Variants in SPOUT1 observed in about 807,000 individuals in gnomAD.
The protein encoded by SPOUT1 is 28S rRNA (uridine-N(3))-methyltransferase.
SPOUT1 carries 40 observed loss-of-function variants against 54.8 expected under a neutral mutation model. That is an observed-to-expected ratio of 0.73 (90% CI 0.57 to 0.95). The LOEUF (loss-of-function observed/expected upper bound fraction) is 0.95. Ranked by LOEUF, SPOUT1 falls within the 40% of genes least tolerant of loss-of-function variation. The probability of loss-of-function intolerance (pLI) is 0.00; values close to 1 mark genes in which losing one functional copy is unlikely to be tolerated. For missense variants in SPOUT1, 437 were observed against 499.5 expected (o/e 0.87, Z 1.19); for synonymous variants, 193 against 200.3 (o/e 0.96, Z 0.31).
Position 128,820,951 on chromosome 9 carries a change from TC to T in SPOUT1, c.*1813del. 2 of 998,254 alleles carry T rather than the reference TC, an allele frequency of 2.0e-6. No homozygotes were observed. The highest frequency in any genetic ancestry group is 2.9e-5 in the South Asian group (2 of 68,586). The allele number at this position is 998,254 out of a possible 1,614,324, so 61.8% of individuals were successfully genotyped here. ...CCCCAGGCTCTGGGTCAATACCAGT[TC>T]CCTACTCATCTGGTTTCTTGGCAAG... is the stretch of plus-strand genomic sequence containing the variant. On this transcript the variant is annotated 3_prime_UTR_variant, in exon 12 of 12. Coordinates refer to ENST00000361256, the MANE Select transcript of SPOUT1 (RefSeq NM_016390.4).
intron 10 of SPOUT1, 75 bp downstream of exon 10, chr9:128,823,997 T>C: frequency 6.3e-7 from 1 of 1,578,512 alleles, no homozygotes; most frequent in South Asian, 1.1e-5. Context: ...GGGGCCCATC[T>C]GTGCAGCTTC....
In SPOUT1 at chr9:128,820,602, CT is replaced by C; in HGVS notation, c.*2162del. ...GGGTTTCAGGGAGTGACTTTCATTC[CT>C]TGAGCCTCAGTTTCCCCCCGCTTGT... On this transcript the variant is annotated 3_prime_UTR_variant, in exon 12 of 12. Transcript: ENST00000361256. The C allele has an allele frequency of 2.8e-6, 2 of 714,308 alleles. No individual in the cohort carries two copies. Among genetic ancestry groups the C allele is most frequent in the Non-Finnish European group, 4.8e-6 (2 of 417,742 alleles). 44.2% of individuals were successfully genotyped at this position (714,308 alleles called of 1,614,324 possible). A position where few individuals can be genotyped will look rare whatever the true frequency, so the allele number is the denominator to read the frequency against.
In SPOUT1 at chr9:128,823,888, A is replaced by T. The variant is rs370548514; in HGVS notation, c.921T>A (p.Ala307=). The T allele has an allele frequency of 6.2e-7, 1 of 1,613,072 alleles. No individual in the cohort carries two copies. Among genetic ancestry groups the T allele is most frequent in the Non-Finnish European group, 8.5e-7 (1 of 1,179,852 alleles). The part of the protein sequence containing the change: ...ASAQLPNFRH[A]LVVFGGLQGL... ...CCTGGAGGCCCCCGAACACCACAAGAGCATGCCTGGCCCATGTAAGAGGGG... is the reference window on the plus strand; with the variant it reads ...CCTGGAGGCCCCCGAACACCACAAGTGCATGCCTGGCCCATGTAAGAGGGG... Residue 307 remains alanine, a synonymous_variant, in exon 11 of 12, where the codon GCT becomes GCA. Coordinates refer to ENST00000361256, the MANE Select transcript of SPOUT1 (RefSeq NM_016390.4).
Position 128,820,412 on chromosome 9 carries a change from C to T in SPOUT1, c.*2353G>A, listed in dbSNP as rs888824630. 7 of 278,742 alleles carry T rather than the reference C, an allele frequency of 2.5e-5. No homozygotes were observed. The highest frequency in any genetic ancestry group is 1.5e-4 in the African/African-American group (7 of 45,958). 17.3% of individuals were successfully genotyped at this position (278,742 alleles called of 1,614,324 possible). On this transcript the variant is annotated 3_prime_UTR_variant, in exon 12 of 12. Transcript: ENST00000361256. ...AGGAACGGGTTGGTAGTTGGAAGGGCTGGTCTTCCCAGGAGACCCTGGGTG... is the reference window on the plus strand; with the variant it reads ...AGGAACGGGTTGGTAGTTGGAAGGGTTGGTCTTCCCAGGAGACCCTGGGTG...
In SPOUT1 at chr9:128,824,992, G is replaced by C; in HGVS notation, c.697C>G (p.Gln233Glu). The C allele has an allele frequency of 2.5e-6, 4 of 1,594,656 alleles. No homozygotes were observed. Among genetic ancestry groups the C allele is most frequent in the Non-Finnish European group, 3.4e-6 (4 of 1,169,862 alleles). The change falls in exon 8 of 12, where the codon CAG becomes GAG. Residue 233 changes from glutamine to glutamate, a missense_variant. Transcript: ENST00000361256. ...PGLRVTVRLNQQQHPDCKTYH... is the reference protein window; with the variant it reads ...PGLRVTVRLNEQQHPDCKTYH... Reference sequence around the variant, plus strand: ...TTCCAGATACCTGGGTGCTGCTGCTGGTTCAGTCGCACAGTCACCCGAAGC... The same window carrying C: ...TTCCAGATACCTGGGTGCTGCTGCTCGTTCAGTCGCACAGTCACCCGAAGC...
At position 128,826,738 on chromosome 9, in the gene SPOUT1, G is replaced by A; in HGVS notation, c.369-109C>T. 1 of 802,994 alleles carries A rather than the reference G, an allele frequency of 1.2e-6. No individual in the cohort carries two copies. The highest frequency in any genetic ancestry group is 2.0e-6 in the Non-Finnish European group (1 of 509,316). The allele number at this position is 802,994 out of a possible 1,614,324, so 49.7% of individuals were successfully genotyped here. A position where few individuals can be genotyped will look rare whatever the true frequency, so the allele number is the denominator to read the frequency against. ...GCTACTCAGGAGGCTAAGGTGGGAG[G>A]ATCATCTGAGTGCAGCAAGTAGAGG... On this transcript the variant is annotated intron_variant, in intron 4 of 11. Transcript: ENST00000361256. The surrounding 1 kb of genome is among the most constrained non-coding windows in gnomAD (Gnocchi z 5.5).
Position 128,820,647 on chromosome 9 carries a change from G to A in SPOUT1, c.*2118C>T, listed in dbSNP as rs1830092102. 2 of 1,033,958 alleles carry A rather than the reference G, an allele frequency of 1.9e-6. No homozygotes were observed. Among genetic ancestry groups the A allele is most frequent in the Non-Finnish European group, 1.5e-6 (1 of 682,188 alleles). 64.0% of individuals were successfully genotyped at this position (1,033,958 alleles called of 1,614,324 possible). A position where few individuals can be genotyped will look rare whatever the true frequency, so the allele number is the denominator to read the frequency against. ...CGCTTGTCTCACTGGATATCTCTGA[G>A]CCTGTCCATCCCCTCAGGACCTGGG... On this transcript the variant is annotated 3_prime_UTR_variant, in exon 12 of 12. Transcript: ENST00000361256.
At chr9:128,823,006 C>T (rs1338819842) in intron 11 of SPOUT1, among the ~76,000 whole-genome samples, 173 bp from the exon 12 acceptor site, 1 of 152,202 alleles carries the variant, frequency 6.6e-6, no homozygotes, top group Non-Finnish European at 1.5e-5. Context: ...CACTTGCCAC[C>T]TGGAGGACCA....
chr9:128,825,333 T>TC (rs397817901), intron 7 of SPOUT1, among the ~76,000 whole-genome samples: 1 of 151,070 alleles, frequency 6.6e-6, no homozygotes, highest in African/African-American at 2.4e-5. Context: ...AACTTTTTTT[T>TC]CTTTTTTTTC....
In SPOUT1 at chr9:128,820,763, TG is replaced by T. The variant is rs749202156; in HGVS notation, c.*2001del. On this transcript the variant is annotated 3_prime_UTR_variant, in exon 12 of 12. Transcript: ENST00000361256. Reference sequence around the variant, plus strand: ...GGTGCCCCACCTCAACCAGAATGCCTGGAACAACCTGGAGAAATATAGCCGC... The same window carrying T: ...GGTGCCCCACCTCAACCAGAATGCCTGAACAACCTGGAGAAATATAGCCGC... 6.2e-7 allele frequency: 1 copy of T among 1,611,676 alleles called. No homozygotes were observed. Among genetic ancestry groups the T allele is most frequent in the South Asian group, 1.1e-5 (1 of 90,538 alleles).
chr9:128,823,982 C>A, intron 10 of SPOUT1, 88 bp from the exon 11 acceptor site: 1 of 1,578,826 alleles, frequency 6.3e-7, no homozygotes, highest in Non-Finnish European at 8.7e-7. Flanking sequence ...CCACCCCAGA[C>A]AGCAGGGGCC....
In SPOUT1 at chr9:128,820,388, G is replaced by T; in HGVS notation, c.*2377C>A. 4.3e-6 allele frequency: 1 copy of T among 231,362 alleles called. No homozygotes were observed. Among genetic ancestry groups the T allele is most frequent in the South Asian group, 9.1e-5 (1 of 10,940 alleles). 14.3% of individuals were successfully genotyped at this position (231,362 alleles called of 1,614,324 possible). On this transcript the variant is annotated 3_prime_UTR_variant, in exon 12 of 12. Transcript: ENST00000361256. ...CTTCCTGTGGCTCAGACTGGGAAAA[G>T]GAACGGGTTGGTAGTTGGAAGGGCT...
intron 3 of SPOUT1, 138 bp downstream of exon 3, chr9:128,828,597 G>T: frequency 2.2e-6 from 2 of 911,498 alleles, no homozygotes; most frequent in Non-Finnish European, 3.3e-6. Context: ...CCTTCTCTGG[G>T]CCTCAGTTTC....
Position 128,827,266 on chromosome 9 carries a change from C to G in SPOUT1, c.209-75G>C, listed in dbSNP as rs923881678. ...TACCTTTCTCTCCCTTCCTCTGTCCCTAGCGCCCATGGTTTGAGAATTTCC... is the reference window on the plus strand; with the variant it reads ...TACCTTTCTCTCCCTTCCTCTGTCCGTAGCGCCCATGGTTTGAGAATTTCC... On this transcript the variant is annotated intron_variant, in intron 3 of 11. Transcript: ENST00000361256. The G allele has an allele frequency of 4.3e-6, 6 of 1,385,402 alleles. No individual in the cohort carries two copies. The African/African-American group carries it at 8.6e-5, about 20-fold the overall frequency. 85.8% of individuals were successfully genotyped at this position (1,385,402 alleles called of 1,614,324 possible).
In SPOUT1 at chr9:128,827,141, C is replaced by T. The variant is rs752559363; in HGVS notation, c.259G>A (p.Ala87Thr). Residue 87 changes from alanine to threonine, a missense_variant, in exon 4 of 12, where the codon GCT becomes ACT. By Grantham distance (58) the Ala-to-Thr change is moderately conservative. Coordinates refer to ENST00000361256, the MANE Select transcript of SPOUT1 (RefSeq NM_016390.4). ...TAGGTGCGAAGCTCCGGCGACTGAG[C>T]ATTGTCCAGGATGGAGCCCGGCAGG... ...VALPGSILDN[A>T]QSPELRTYLA... 4.2e-5 allele frequency: 67 copies of T among 1,613,890 alleles called. 1 individual carries two copies. Among genetic ancestry groups the T allele is most frequent in the Non-Finnish European group, 3.4e-6 (4 of 1,180,032 alleles).
Position 128,822,625 on chromosome 9 carries a change from G to T in SPOUT1, c.*140C>A, listed in dbSNP as rs941460179. 2 of 1,563,558 alleles carry T rather than the reference G, an allele frequency of 1.3e-6. No homozygotes were observed. The highest frequency in any genetic ancestry group is 2.7e-5 in the African/African-American group (2 of 74,074). On this transcript the variant is annotated 3_prime_UTR_variant, in exon 12 of 12. Coordinates refer to ENST00000361256, the MANE Select transcript of SPOUT1 (RefSeq NM_016390.4). ...GCAGTAAGTGAGGGTGGAGCCCAGT[G>T]AGACTGTGGGTGTGTGCAGGCCGGG...
chr9:128,828,495 C>A (rs1470744639), intron 3 of SPOUT1, among the ~76,000 whole-genome samples: 109 of 141,764 alleles, frequency 7.7e-4, no homozygotes, highest in Admixed American at 1.1e-3. Flanking sequence ...GACTCCATCT[C>A]AAAAAAAAAA....
intron 2 of SPOUT1, 32 bp downstream of exon 2, chr9:128,829,078 A>G (rs542796320): frequency 6.3e-7 from 1 of 1,593,400 alleles, no homozygotes; most frequent in South Asian, 1.1e-5. Flanking sequence ...GGAGTGGCCT[A>G]TGGGAAGATA....
At position 128,821,306 on chromosome 9, in the gene SPOUT1, G is replaced by C. The variant is rs557272928; in HGVS notation, c.*1459C>G. On this transcript the variant is annotated 3_prime_UTR_variant, in exon 12 of 12. Transcript: ENST00000361256. ...GGTCCGAGGTGCACCGAGCTCTCCC[G>C]CCTTCCCCATGCAGGTCCCCAGTGC... 1 of 184,914 alleles carries C rather than the reference G, an allele frequency of 5.4e-6. No homozygotes were observed. Among genetic ancestry groups the C allele is most frequent in the Non-Finnish European group, 1.1e-5 (1 of 89,854 alleles). The allele number at this position is 184,914 out of a possible 1,614,324, so 11.5% of individuals were successfully genotyped here.
Sources: gnomAD v4.1 joint callset for allele counts (sites outside exome capture counted in the v4.1 genomes callset) on GRCh38, gnomAD v4.1.1 for gene constraint, Gnocchi (gnomAD v3.1) non-coding constraint, MANE v1.5 for transcripts, NCBI Gene and HGNC (gene_info 2026-07-23, HGNC 2026-07-21) for gene names.